The following PIGK variants were observed in gnomAD, a reference collection of about 807,000 sequenced individuals.
PIGK encodes the protein GPI-anchor transamidase.
In PIGK, 42 loss-of-function variants were observed where a neutral mutation model predicts 50.6. The observed-to-expected ratio is 0.83, with a 90% CI of 0.65 to 1.07. The LOEUF (loss-of-function observed/expected upper bound fraction) is 1.07, where lower values mean the gene tolerates loss of function less well. PIGK is among the 50% of genes least tolerant of loss of function. The pLI is 0.00. For synonymous variants in PIGK, 151 were observed against 156.0 expected, an observed-to-expected ratio of 0.97 and a Z score of 0.24; for missense variants, 448 against 488.7, an observed-to-expected ratio of 0.92 and a Z score of 0.78.
intron 9 of PIGK, among the ~76,000 whole-genome samples, chr1:77,124,595 C>A (rs1230607375): frequency 2.1e-5 from 3 of 146,332 alleles, no homozygotes; most frequent in Admixed American, 6.9e-5. Context: ...GGAGACAGAG[C>A]AAGAGTCTCA....
At chr1:77,202,856 TA>T (rs1248695041) in intron 3 of PIGK, among the ~76,000 whole-genome samples, 1 of 152,178 alleles carries the variant, frequency 6.6e-6, no homozygotes, top group East Asian at 1.9e-4. Flanking sequence ...CTCTGTGAAC[TA>T]AATCTTTTGC....
At chr1:77,177,716 C>T (rs1655518946) in intron 3 of PIGK, among the ~76,000 whole-genome samples, 1 of 152,072 alleles carries the variant, frequency 6.6e-6, no homozygotes, top group African/African-American at 2.4e-5. Flanking sequence ...TTAGGATCTC[C>T]CCGACTGAGC....
intron 3 of PIGK, among the ~76,000 whole-genome samples, chr1:77,195,741 A>T (rs894495040): frequency 6.6e-6 from 1 of 152,116 alleles, no homozygotes; most frequent in African/African-American, 2.4e-5. Context: ...ACTTACAAAC[A>T]TCTACTTTTT....
chr1:77,190,101 T>G (rs1354257906), intron 3 of PIGK, among the ~76,000 whole-genome samples: 1 of 151,872 alleles, frequency 6.6e-6, no homozygotes, highest in Non-Finnish European at 1.5e-5. Flanking sequence ...TTGAAAGCAT[T>G]TAATAGCCGG....
chr1:77,096,889 TTTTTTTTTG>T (rs1224744803), intron 10 of PIGK, among the ~76,000 whole-genome samples: 19 of 149,016 alleles, frequency 1.3e-4, no homozygotes, highest in African/African-American at 4.2e-4. Flanking sequence ...TTCTTTTTTT[TTTTTTTTTG>T]TTTTTTTGTT....
chr1:77,153,497 G>A (rs1023408929), intron 9 of PIGK: 2 of 152,038 alleles, frequency 1.3e-5, no homozygotes, highest in Admixed American at 6.6e-5. Flanking sequence ...AAATAGTAAT[G>A]TACCCAACAC....
chr1:77,095,263 A>G (rs1180533841), intron 10 of PIGK, among the ~76,000 whole-genome samples: 3 of 152,142 alleles, frequency 2.0e-5, no homozygotes, highest in African/African-American at 7.2e-5. Context: ...AATTCAGTTA[A>G]CCTCTGATGA....
At chr1:77,112,758 C>T (rs992505189) in intron 10 of PIGK, among the ~76,000 whole-genome samples, 1 of 151,916 alleles carries the variant, frequency 6.6e-6, no homozygotes, top group African/African-American at 2.4e-5. Context: ...TACAAATATA[C>T]AGCTAGAGAA....
chr1:77,148,921 T>G (rs984284842), intron 9 of PIGK, among the ~76,000 whole-genome samples: 1 of 152,152 alleles, frequency 6.6e-6, no homozygotes, highest in African/African-American at 2.4e-5. Context: ...TTCACCATGT[T>G]GGCCAGAATG....
At chr1:77,127,534 A>G in intron 9 of PIGK, among the ~76,000 whole-genome samples, 1 of 152,242 alleles carries the variant, frequency 6.6e-6, no homozygotes, top group East Asian at 1.9e-4. Context: ...CCCCATCACA[A>G]ATAAATAAAC....
In PIGK at chr1:77,202,995, T is replaced by A. The variant is rs563376469; in HGVS notation, c.239+3645A>T. Among the ~76,000 whole-genome samples, 7 of 152,320 alleles carry A rather than the reference T, an allele frequency of 4.6e-5. No individual in the cohort carries two copies. In the South Asian group the frequency reaches 1.5e-3, roughly 32 times the overall value. ...TTCCCTCAGTCAGCCTCAATTCCCA[T>A]GTGCTTCGCAGAGCATGGAGAACAC... On this transcript the variant is annotated intron_variant, in intron 3 of 10. Transcript: ENST00000370812.
At chr1:77,200,627 A>G (rs956688967) in intron 3 of PIGK, among the ~76,000 whole-genome samples, 1 of 152,172 alleles carries the variant, frequency 6.6e-6, no homozygotes, top group Non-Finnish European at 1.5e-5. Flanking sequence ...AAATCAGACA[A>G]TGTATATTAA....
At chr1:77,131,504 TTC>T (rs1361990245) in intron 9 of PIGK, among the ~76,000 whole-genome samples, 2 of 152,090 alleles carry the variant, frequency 1.3e-5, no homozygotes, top group African/African-American at 4.8e-5. Flanking sequence ...CTTCTATAAT[TTC>T]ACACTATATA....
intron 3 of PIGK, among the ~76,000 whole-genome samples, chr1:77,203,029 T>C (rs959923662): frequency 6.6e-6 from 1 of 152,178 alleles, no homozygotes. Flanking sequence ...ACAATTCTAG[T>C]GTTAAAGATA....
chr1:77,109,376 C>A (rs945234998), intron 10 of PIGK, among the ~76,000 whole-genome samples: 1 of 152,172 alleles, frequency 6.6e-6, no homozygotes. Flanking sequence ...TACTGGCAAA[C>A]CAAATCCAGC....
intron 3 of PIGK, among the ~76,000 whole-genome samples, chr1:77,189,618 G>A (rs1259280265): frequency 1.3e-5 from 2 of 150,210 alleles, no homozygotes; most frequent in African/African-American, 2.5e-5. Context: ...TTGGGACTTG[G>A]ACTGGTTCTC....
At chr1:77,194,859 G>A in intron 3 of PIGK, 1 of 405,618 alleles carries the variant, frequency 2.5e-6, no homozygotes, top group Non-Finnish European at 4.8e-6. Flanking sequence ...CTGAGAAACG[G>A]AAAAAGAACA....
At chr1:77,155,638 G>A (rs1654990743) in intron 8 of PIGK, among the ~76,000 whole-genome samples, 1 of 151,848 alleles carries the variant, frequency 6.6e-6, no homozygotes, top group Non-Finnish European at 1.5e-5. Context: ...ACTTACTGGT[G>A]GGAAATAAGA....
Position 77,092,008 on chromosome 1 carries a change from C to CA in PIGK, c.*365dup, listed in dbSNP as rs1653312073. 1 of 154,370 alleles carries CA rather than the reference C, an allele frequency of 6.5e-6. No homozygotes were observed. The highest frequency in any genetic ancestry group is 1.4e-5 in the Non-Finnish European group (1 of 69,760). The allele number at this position is 154,370 out of a possible 1,614,324, so 9.6% of individuals were successfully genotyped here. The stretch of plus-strand genomic sequence containing the variant: ...TAAGTCAAAAGATTGGGAGGATATA[C>CA]AAAAAATAATTAACCAAAGTTACTT... On this transcript the variant is annotated 3_prime_UTR_variant, in exon 11 of 11. Transcript: ENST00000370812.
Sources: gnomAD v4.1 joint callset for allele counts (sites outside exome capture counted in the v4.1 genomes callset) on GRCh38, gnomAD v4.1.1 for gene constraint, MANE v1.5 for transcripts, NCBI Gene and HGNC (gene_info 2026-07-23, HGNC 2026-07-21) for gene names.